APCDD1: variants seen among roughly 807,000 people sequenced by gnomAD.
APCDD1 encodes the protein protein APCDD1.
APCDD1 carries 15 observed loss-of-function variants against 38.1 expected under a neutral mutation model. The ratio of observed to expected loss-of-function variants is 0.39; its 90% CI spans 0.26 to 0.61. APCDD1 has a LOEUF of 0.61. Ranked by LOEUF, APCDD1 falls within the 20% of genes least tolerant of loss-of-function variation. The pLI is 0.49. For missense variants in APCDD1, 647 were observed against 696.2 expected, an observed-to-expected ratio of 0.93 and a Z score of 0.79; for synonymous variants, 261 against 279.7, an observed-to-expected ratio of 0.93 and a Z score of 0.67.
intron 1 of APCDD1, among the ~76,000 whole-genome samples, chr18:10,455,461 C>T (rs767912560): frequency 6.6e-6 from 1 of 152,160 alleles, no homozygotes; most frequent in Non-Finnish European, 1.5e-5. Flanking sequence ...TTGATGTGTT[C>T]CAAGCGTTTA....
chr18:10,459,814 C>A (rs1305500065), intron 1 of APCDD1, among the ~76,000 whole-genome samples: 2 of 152,144 alleles, frequency 1.3e-5, no homozygotes, highest in Non-Finnish European at 2.9e-5. Flanking sequence ...TAATTACTTG[C>A]ACTTAATCTA....
chr18:10,487,678 C>CAGGCAGG lies in APCDD1; in HGVS notation c.1185_1186insAGGCAGG (p.Trp396ArgfsTer152). 1 of 1,614,198 alleles carries CAGGCAGG rather than the reference C, an allele frequency of 6.2e-7. No homozygotes were observed. Among genetic ancestry groups the CAGGCAGG allele is most frequent in the Non-Finnish European group, 8.5e-7 (1 of 1,180,042 alleles). ...GGAATGAGTGCGGGGCCGAGGGCTCCTGGCAGGTGGGCATCCAGCAGGATG... is the reference window on the plus strand; with the variant it reads ...GGAATGAGTGCGGGGCCGAGGGCTCCAGGCAGGTGGCAGGTGGGCATCCAGCAGGATG... On this transcript the variant is annotated frameshift_variant, in exon 5 of 5. Coordinates refer to ENST00000355285, the MANE Select transcript of APCDD1 (RefSeq NM_153000.5). LOFTEE classifies it high-confidence loss of function.
chr18:10,460,531 T>TCA (rs1353349116), intron 1 of APCDD1, among the ~76,000 whole-genome samples: 1 of 122,604 alleles, frequency 8.2e-6, no homozygotes, highest in African/African-American at 3.5e-5. Flanking sequence ...AGACTCTGTC[T>TCA]CAAAAAAAAA....
intron 1 of APCDD1, among the ~76,000 whole-genome samples, chr18:10,466,548 G>T (rs1337938945): frequency 6.6e-6 from 1 of 152,192 alleles, no homozygotes; most frequent in Non-Finnish European, 1.5e-5. Context: ...TTGTAAATAG[G>T]CTGGTTTTGA....
At chr18:10,460,238 G>A (rs186869701) in intron 1 of APCDD1, among the ~76,000 whole-genome samples, 6 of 152,314 alleles carry the variant, frequency 3.9e-5, no homozygotes, top group African/African-American at 9.6e-5. Flanking sequence ...TGTTGAGGAC[G>A]GGCACGGTGG....
Position 10,471,382 on chromosome 18 carries a change from T to C in APCDD1, c.243-148T>C, listed in dbSNP as rs1192454485. 5.9e-6 allele frequency: 6 copies of C among 1,016,142 alleles called. No homozygotes were observed. Among genetic ancestry groups the C allele is most frequent in the South Asian group, 1.4e-5 (1 of 69,938 alleles). The allele number at this position is 1,016,142 out of a possible 1,614,324, so 62.9% of individuals were successfully genotyped here. A position where few individuals can be genotyped will look rare whatever the true frequency, so the allele number is the denominator to read the frequency against. ...CTCCTAGGTTGTTGTGAGGAGTCAATGAGTTGGTATCTATAAAGGGCTGAC... is the reference window on the plus strand; with the variant it reads ...CTCCTAGGTTGTTGTGAGGAGTCAACGAGTTGGTATCTATAAAGGGCTGAC... On this transcript the variant is annotated intron_variant, in intron 2 of 4. Coordinates refer to ENST00000355285, the MANE Select transcript of APCDD1 (RefSeq NM_153000.5). This position sits in a 1 kb window ranked among gnomAD's most constrained non-coding sequence, Gnocchi z 5.5.
At chr18:10,481,738 G>A (rs2031144394) in intron 3 of APCDD1, among the ~76,000 whole-genome samples, 1 of 150,178 alleles carries the variant, frequency 6.7e-6, no homozygotes, top group Non-Finnish European at 1.5e-5. Flanking sequence ...CCAAGAGCCA[G>A]GTTTCTCCCA....
Position 10,471,045 on chromosome 18 carries a change from A to G in APCDD1, c.243-485A>G, listed in dbSNP as rs1218477456. Among the ~76,000 whole-genome samples, 1 of 152,260 alleles carries G rather than the reference A, an allele frequency of 6.6e-6. No individual in the cohort carries two copies. The highest frequency in any genetic ancestry group is 1.9e-4 in the East Asian group (1 of 5,200). ...CACCTGCCTGCTGTAGACAAGGTCC[A>G]TAAAATAAAAGTGTTCAGGAAGTCG... On this transcript the variant is annotated intron_variant, in intron 2 of 4. Transcript: ENST00000355285. This position sits in a 1 kb window ranked among gnomAD's most constrained non-coding sequence, Gnocchi z 5.5.
intron 1 of APCDD1, among the ~76,000 whole-genome samples, chr18:10,456,438 G>C (rs987731358): frequency 6.6e-6 from 1 of 152,118 alleles, no homozygotes; most frequent in African/African-American, 2.4e-5. Flanking sequence ...ACAAAAGAGA[G>C]AGATGAAACA....
intron 4 of APCDD1, among the ~76,000 whole-genome samples, chr18:10,486,131 C>T (rs753165733): frequency 2.6e-5 from 4 of 152,176 alleles, no homozygotes; most frequent in Non-Finnish European, 4.4e-5. Context: ...GCAGGAGGAT[C>T]TCATGAGGCC....
chr18:10,478,462 G>A (rs933183612), intron 3 of APCDD1, among the ~76,000 whole-genome samples: 11 of 152,218 alleles, frequency 7.2e-5, no homozygotes, highest in Admixed American at 3.9e-4. Context: ...AGTTCTGGAC[G>A]TTGGAGAGCC....
chr18:10,463,273 C>A (rs1021513915), intron 1 of APCDD1, among the ~76,000 whole-genome samples: 1 of 152,168 alleles, frequency 6.6e-6, no homozygotes, highest in African/African-American at 2.4e-5. Flanking sequence ...GAGTCCTCTA[C>A]AACCCTACAG....
rs2143532609 is a variant in APCDD1 at position 10,470,427 on chromosome 18, A to G, written c.243-1103A>G. Among the ~76,000 whole-genome samples the G allele has an allele frequency of 6.6e-6, 1 of 152,344 alleles. No homozygotes were observed. Among genetic ancestry groups the G allele is most frequent in the East Asian group, 1.9e-4 (1 of 5,192 alleles). ...CTCGACATCAGTTGTCAAACGTTAC[A>G]TAGCAACGGTACCCCTGTCTAAATA... On this transcript the variant is annotated intron_variant, in intron 2 of 4. Transcript: ENST00000355285. This position sits in a 1 kb window ranked among gnomAD's most constrained non-coding sequence, Gnocchi z 4.1.
intron 3 of APCDD1, among the ~76,000 whole-genome samples, chr18:10,483,508 C>T (rs568409204): frequency 6.6e-6 from 1 of 152,260 alleles, no homozygotes; most frequent in African/African-American, 2.4e-5. Flanking sequence ...ACAGCAGCAG[C>T]GCAAGTTAGT....
At chr18:10,468,382 A>C in intron 1 of APCDD1, 87 bp from the exon 2 acceptor site, 1 of 1,385,482 alleles carries the variant, frequency 7.2e-7, no homozygotes, top group Non-Finnish European at 1.0e-6. Flanking sequence ...ACCTTCAGCC[A>C]CTGTCTGCTG....
Position 10,468,712 on chromosome 18 carries a change from C to T in APCDD1, c.242+60C>T. Reference sequence around the variant, plus strand: ...GAGCACACCACTATGGAAGACCCTTCTTATGGGTTCTCAGATGCAGAGACT... The same window carrying T: ...GAGCACACCACTATGGAAGACCCTTTTTATGGGTTCTCAGATGCAGAGACT... On this transcript the variant is annotated intron_variant, in intron 2 of 4. Coordinates refer to ENST00000355285, the MANE Select transcript of APCDD1 (RefSeq NM_153000.5). 3 of 1,547,104 alleles carry T rather than the reference C, an allele frequency of 1.9e-6. No individual in the cohort carries two copies. The South Asian group carries it at 3.4e-5, about 17-fold the overall frequency.
rs575040843 is a variant in APCDD1 at position 10,459,890 on chromosome 18, G to C, written c.58+4851G>C. Among the ~76,000 whole-genome samples, 8 of 152,242 alleles carry C rather than the reference G, an allele frequency of 5.3e-5. 1 individual carries two copies. The South Asian group carries it at 1.7e-3, about 32-fold the overall frequency. On this transcript the variant is annotated intron_variant, in intron 1 of 4. Transcript: ENST00000355285. Reference sequence around the variant, plus strand: ...CACTTTTCTCAGTCTGATTATTAAAGTATACAGGGCACATTATATAAAGTA... The same window carrying C: ...CACTTTTCTCAGTCTGATTATTAAACTATACAGGGCACATTATATAAAGTA...
Position 10,476,890 on chromosome 18 carries a change from T to A in APCDD1, c.774+4829T>A, listed in dbSNP as rs1051602248. 3 of 152,190 alleles carry A rather than the reference T, an allele frequency of 2.0e-5. No homozygotes were observed. The highest frequency in any genetic ancestry group is 6.5e-5 in the Admixed American group (1 of 15,284). The allele number at this position is 152,190 out of a possible 1,614,324, so 9.4% of individuals were successfully genotyped here. A position where few individuals can be genotyped will look rare whatever the true frequency, so the allele number is the denominator to read the frequency against. ...AGGAGCCGCTAGGCTGGAGCCAGCA[T>A]ATGTTTTTGAGGTAGCTTGCCTCTC... On this transcript the variant is annotated intron_variant, in intron 3 of 4. Transcript: ENST00000355285. This position sits in a 1 kb window ranked among gnomAD's most constrained non-coding sequence, Gnocchi z 5.8.
At chr18:10,477,853 A>G (rs1232726935) in intron 3 of APCDD1, 2 of 152,204 alleles carry the variant, frequency 1.3e-5, no homozygotes, top group Admixed American at 1.3e-4. Context: ...AAACAAGTAA[A>G]AAGAAATAAA....
Sources: gnomAD v4.1 joint callset for allele counts (sites outside exome capture counted in the v4.1 genomes callset) on GRCh38, gnomAD v4.1.1 for gene constraint, Gnocchi (gnomAD v3.1) non-coding constraint, MANE v1.5 for transcripts, NCBI Gene and HGNC (gene_info 2026-07-23, HGNC 2026-07-21) for gene names.